BICDL2: variants seen among roughly 807,000 people sequenced by gnomAD.
The protein encoded by BICDL2 is BICD family like cargo adaptor 2.
In BICDL2, 62 loss-of-function variants were observed where a neutral mutation model predicts 56.6. The observed-to-expected ratio is 1.10, with a 90% CI of 0.89 to 1.35. The LOEUF (loss-of-function observed/expected upper bound fraction) is 1.35, where lower values mean the gene tolerates loss of function less well. Ranked by LOEUF, BICDL2 falls within the 40% of genes most tolerant of loss-of-function variation. BICDL2 has a pLI of 0.00. For synonymous variants in BICDL2, 358 were observed against 319.8 expected (o/e 1.12, Z -1.27); for missense variants, 808 against 684.5 (o/e 1.18, Z -2.01).
In BICDL2 at chr16:3,028,348, C is replaced by T; in HGVS notation, c.1359G>A (p.Gln453=). The change falls in exon 9 of 10, where the codon CAG becomes CAA. Residue 453 remains glutamine, a splice_region_variant and synonymous_variant. Transcript: ENST00000572449. ...CCCGCACACGGGCCCCGCCCCTCAC[C>T]TGCCAGGCCTCCAGCTCCTGCGTGA... ...VALTQELEAW[Q]DDMQVVIGQQ... 6.4e-7 allele frequency: 1 copy of T among 1,550,448 alleles called. No homozygotes were observed. Among genetic ancestry groups the T allele is most frequent in the Non-Finnish European group, 8.7e-7 (1 of 1,155,870 alleles).
At chr16:3,034,180 C>T (rs1235199504) in intron 2 of BICDL2, among the ~76,000 whole-genome samples, 6 of 152,186 alleles carry the variant, frequency 3.9e-5, no homozygotes, top group South Asian at 2.1e-4. Flanking sequence ...CCATGACTGT[C>T]GCCTGGTGTT....
intron 2 of BICDL2, among the ~76,000 whole-genome samples, chr16:3,034,472 G>A (rs1421246508): frequency 1.3e-5 from 2 of 151,982 alleles, no homozygotes; most frequent in Non-Finnish European, 2.9e-5. Context: ...AGTAGAGACG[G>A]GGTTTCACCA....
In BICDL2 at chr16:3,029,263, C is replaced by G; in HGVS notation, c.1107+17G>C. On this transcript the variant is annotated intron_variant, in intron 7 of 9. Transcript: ENST00000572449. ...GCTGGAGGGGCCGTGCATCCAGCACCGTGCCCTCTGCCCCACCTCATCTTG... is the reference window on the plus strand; with the variant it reads ...GCTGGAGGGGCCGTGCATCCAGCACGGTGCCCTCTGCCCCACCTCATCTTG... 1 of 1,606,814 alleles carries G rather than the reference C, an allele frequency of 6.2e-7. No homozygotes were observed. The highest frequency in any genetic ancestry group is 1.3e-5 in the African/African-American group (1 of 74,906).
chr16:3,036,488 C>T (rs1375240983), intron 1 of BICDL2: 2 of 456,418 alleles, frequency 4.4e-6, no homozygotes, highest in South Asian at 1.5e-5. Context: ...CTCCCTCCTC[C>T]TCTCGCCCGG....
Position 3,029,795 on chromosome 16 carries a change from C to T in BICDL2, c.763-56G>A, listed in dbSNP as rs866848284. 112 of 1,397,824 alleles carry T rather than the reference C, an allele frequency of 8.0e-5. No individual in the cohort carries two copies. In the Middle Eastern group the frequency reaches 2.3e-3, roughly 28 times the overall value. 86.6% of individuals were successfully genotyped at this position (1,397,824 alleles called of 1,614,324 possible). On this transcript the variant is annotated intron_variant, in intron 5 of 9. Coordinates refer to ENST00000572449, the MANE Select transcript of BICDL2 (RefSeq NM_001369667.1). ...GCGGTCAGCGGGACGCACGCAACGC[C>T]GACATCCCGCGGCAGGTCCACACGG...
At chr16:3,028,306 C>G in intron 9 of BICDL2, 33 bp from the exon 10 acceptor site, 1 of 1,536,982 alleles carries the variant, frequency 6.5e-7, no homozygotes, top group Non-Finnish European at 8.7e-7. Flanking sequence ...CAGCGCCGGT[C>G]CCGCCCCTTG....
chr16:3,031,756 C>G (rs1444457970), intron 2 of BICDL2: 1 of 386,746 alleles, frequency 2.6e-6, no homozygotes, highest in Admixed American at 4.5e-5. Flanking sequence ...GTGACAATTG[C>G]CACAGCTGCT....
intron 2 of BICDL2, among the ~76,000 whole-genome samples, chr16:3,033,804 A>T (rs1181801855): frequency 1.3e-5 from 2 of 151,712 alleles, no homozygotes; most frequent in Non-Finnish European, 2.9e-5. Flanking sequence ...AGAAAAAAAA[A>T]ATAGAGAAAG....
At chr16:3,028,643 A>G in intron 8 of BICDL2, 57 bp downstream of exon 8, 1 of 1,538,748 alleles carries the variant, frequency 6.5e-7, no homozygotes. Flanking sequence ...AAGAGGAATC[A>G]GGAGCCCAGG....
chr16:3,031,278 A>T, intron 2 of BICDL2, 128 bp from the exon 3 acceptor site: 1 of 757,884 alleles, frequency 1.3e-6, no homozygotes, highest in Non-Finnish European at 2.1e-6. Context: ...TCCAAGACAG[A>T]CACAAAAGCA....
At chr16:3,036,253 C>A (rs1228983026) in intron 1 of BICDL2, 1 of 455,208 alleles carries the variant, frequency 2.2e-6, no homozygotes, top group African/African-American at 2.0e-5. Flanking sequence ...TGGCGTGGGG[C>A]CCAGGACAGG....
intron 2 of BICDL2, chr16:3,035,014 G>A: frequency 3.4e-6 from 2 of 596,300 alleles, no homozygotes; most frequent in Middle Eastern, 4.5e-4. Context: ...CCGGCACCCA[G>A]AGTTCATGTT....
intron 2 of BICDL2, chr16:3,031,454 G>A (rs761587339): frequency 9.2e-5 from 49 of 532,410 alleles, no homozygotes; most frequent in South Asian, 3.0e-4. Flanking sequence ...CGCAAGCGCC[G>A]TTTTTGGCGC....
At chr16:3,033,652 A>AT (rs1408852945) in intron 2 of BICDL2, among the ~76,000 whole-genome samples, 1 of 152,042 alleles carries the variant, frequency 6.6e-6, no homozygotes, top group Non-Finnish European at 1.5e-5. Context: ...ATGGTGGTGC[A>AT]TGTGTGCCTG....
At chr16:3,032,945 T>C (rs1246288613) in intron 2 of BICDL2, 1 of 152,032 alleles carries the variant, frequency 6.6e-6, no homozygotes, top group African/African-American at 2.4e-5. Context: ...AGGAGTGAAA[T>C]GATCTGATTT....
intron 2 of BICDL2, 22 bp from the exon 3 acceptor site, chr16:3,031,172 G>A: frequency 6.5e-7 from 1 of 1,530,012 alleles, no homozygotes; most frequent in Non-Finnish European, 8.7e-7. Flanking sequence ...AGGGCAGAGG[G>A]ACAGAGGCAG....
chr16:3,035,177 G>GTCCCCCCCCCCCC lies in BICDL2; in HGVS notation c.282+37_282+38insGGGGGGGGGGGGA. 4 of 118,826 alleles carry GTCCCCCCCCCCCC rather than the reference G, an allele frequency of 3.4e-5. 1 individual carries two copies. Among genetic ancestry groups the GTCCCCCCCCCCCC allele is most frequent in the South Asian group, 1.4e-4 (1 of 7,184 alleles). 7.4% of individuals were successfully genotyped at this position (118,826 alleles called of 1,614,324 possible). A position where few individuals can be genotyped will look rare whatever the true frequency, so the allele number is the denominator to read the frequency against. On this transcript the variant is annotated intron_variant, in intron 2 of 9. Transcript: ENST00000572449. ...TCTCCAGGCCCACCCGTCCTCCCCT[G>GTCCCCCCCCCCCC]CCCACCCACCCACCCACCCCGTCCA...
Position 3,027,791 on chromosome 16 carries a change from A to G in BICDL2, c.*315T>C. ...CTATGAATGGGGGCCAAATCGGTGGAGTGATTTATATATTACTCTGTCCGA... is the reference window on the plus strand; with the variant it reads ...CTATGAATGGGGGCCAAATCGGTGGGGTGATTTATATATTACTCTGTCCGA... On this transcript the variant is annotated 3_prime_UTR_variant, in exon 10 of 10. Transcript: ENST00000572449. 1 of 1,010,024 alleles carries G rather than the reference A, an allele frequency of 9.9e-7. No individual in the cohort carries two copies. Among genetic ancestry groups the G allele is most frequent in the Non-Finnish European group, 1.4e-6 (1 of 709,394 alleles). The allele number at this position is 1,010,024 out of a possible 1,614,324, so 62.6% of individuals were successfully genotyped here. A position where few individuals can be genotyped will look rare whatever the true frequency, so the allele number is the denominator to read the frequency against.
Position 3,035,525 on chromosome 16 carries a change from G to A in BICDL2, c.-29C>T. On this transcript the variant is annotated splice_region_variant and 5_prime_UTR_variant, in exon 2 of 10. Coordinates refer to ENST00000572449, the MANE Select transcript of BICDL2 (RefSeq NM_001369667.1). ...ACCTGCAGCATCTGCGGGGACAGGT[G>A]GCTGCGGGACACTCTACTCTGCAGC... is the stretch of plus-strand genomic sequence containing the variant. 1 of 1,589,182 alleles carries A rather than the reference G, an allele frequency of 6.3e-7. No individual in the cohort carries two copies. Among genetic ancestry groups the A allele is most frequent in the Non-Finnish European group, 8.6e-7 (1 of 1,169,428 alleles).
Sources: gnomAD v4.1 joint callset for allele counts (sites outside exome capture counted in the v4.1 genomes callset) on GRCh38, gnomAD v4.1.1 for gene constraint, MANE v1.5 for transcripts, NCBI Gene and HGNC (gene_info 2026-07-23, HGNC 2026-07-21) for gene names.